The following PPARGC1A variants were observed in gnomAD, a reference collection of about 807,000 sequenced individuals.
The protein encoded by PPARGC1A is peroxisome proliferator-activated receptor gamma coactivator 1-alpha.
Under a neutral mutation model 88.7 loss-of-function variants are expected in PPARGC1A, and 25 were observed. The ratio of observed to expected loss-of-function variants is 0.28; its 90% confidence interval spans 0.21 to 0.39. The LOEUF is 0.39. Among genes scored for constraint, PPARGC1A ranks in the 10% least tolerant of loss-of-function variants. The probability of loss-of-function intolerance (pLI) is 1.00; values close to 1 mark genes in which losing one functional copy is unlikely to be tolerated. For synonymous variants in PPARGC1A, 363 were observed against 355.6 expected, an observed-to-expected ratio of 1.02 and a Z score of -0.24; for missense variants, 880 against 968.7, an observed-to-expected ratio of 0.91 and a Z score of 1.22.
chr4:24,300,673 A>C, the PPARGC1A span, among the ~76,000 whole-genome samples: 1 of 152,064 alleles, frequency 6.6e-6, no homozygotes, highest in Non-Finnish European at 1.5e-5. Context: ...CCTTATCCTT[A>C]ATAGTAAAGC....
At chr4:24,188,186 G>A in the PPARGC1A span, among the ~76,000 whole-genome samples, 7 of 152,200 alleles carry the variant, frequency 4.6e-5, no homozygotes, top group East Asian at 1.4e-3. Flanking sequence ...CTGTGAGCAG[G>A]GGGAGAAAAA....
At chr4:24,327,013 C>T in the PPARGC1A span, among the ~76,000 whole-genome samples, 2 of 152,128 alleles carry the variant, frequency 1.3e-5, no homozygotes, top group Non-Finnish European at 2.9e-5. Flanking sequence ...GTCAAATCAG[C>T]CAAGCATTTT....
At chr4:24,174,218 C>A in the PPARGC1A span, among the ~76,000 whole-genome samples, 1 of 152,272 alleles carries the variant, frequency 6.6e-6, no homozygotes, top group African/African-American at 2.4e-5. Flanking sequence ...CCTGATTCAG[C>A]ATTCTAGGTG....
chr4:24,023,698 T>C, the PPARGC1A span, among the ~76,000 whole-genome samples: 74 of 152,300 alleles, frequency 4.9e-4, no homozygotes, highest in East Asian at 4.1e-3. Flanking sequence ...CAAACATCTG[T>C]TGAGCTCCTA....
At chr4:24,347,478 G>A in the PPARGC1A span, among the ~76,000 whole-genome samples, 1 of 152,148 alleles carries the variant, frequency 6.6e-6, no homozygotes, top group Non-Finnish European at 1.5e-5. Flanking sequence ...ACATTTTCCT[G>A]TTGGACAAGG....
chr4:23,799,667 A>C lies in PPARGC1A; in HGVS notation c.2293+2063T>G, dbSNP rs1171640847. Among the ~76,000 whole-genome samples, 7 of 152,202 alleles carry C rather than the reference A, an allele frequency of 4.6e-5. No individual in the cohort carries two copies. In the East Asian group the frequency reaches 1.3e-3, roughly 29 times the overall value. ...AATACAGAGCGAGCTTAGCAATGGCAAAGTTTCTATTGCTGCCGGCTAGGC... is the reference window on the plus strand; with the variant it reads ...AATACAGAGCGAGCTTAGCAATGGCCAAGTTTCTATTGCTGCCGGCTAGGC... On this transcript the variant is annotated intron_variant, in intron 12 of 12. Coordinates refer to ENST00000264867, the MANE Select transcript of PPARGC1A (RefSeq NM_013261.5).
the PPARGC1A span, among the ~76,000 whole-genome samples, chr4:24,215,047 A>G: frequency 2.0e-5 from 3 of 152,200 alleles, no homozygotes; most frequent in Non-Finnish European, 4.4e-5. Flanking sequence ...ATCACCATTG[A>G]ACAGAGCCCT....
At chr4:24,456,863 T>G in the PPARGC1A span, among the ~76,000 whole-genome samples, 1 of 152,030 alleles carries the variant, frequency 6.6e-6, no homozygotes, top group African/African-American at 2.4e-5. Context: ...GTGTGGGCAA[T>G]GTGACTGAGC....
At chr4:23,988,292 G>T in the PPARGC1A span, among the ~76,000 whole-genome samples, 1 of 152,078 alleles carries the variant, frequency 6.6e-6, no homozygotes, top group South Asian at 2.1e-4. Context: ...AATCCTTTGG[G>T]TATATGCCCA....
the PPARGC1A span, among the ~76,000 whole-genome samples, chr4:24,307,539 G>T: frequency 6.6e-6 from 1 of 152,150 alleles, no homozygotes; most frequent in Non-Finnish European, 1.5e-5. Context: ...TTGGCCTCAA[G>T]AAGCTTAGCT....
chr4:24,299,890 G>T, the PPARGC1A span, among the ~76,000 whole-genome samples: 1 of 152,212 alleles, frequency 6.6e-6, no homozygotes, highest in African/African-American at 2.4e-5. Flanking sequence ...TATATTCATT[G>T]TATATTAATC....
At chr4:24,333,417 G>C in the PPARGC1A span, among the ~76,000 whole-genome samples, 1 of 152,058 alleles carries the variant, frequency 6.6e-6, no homozygotes, top group South Asian at 2.1e-4. Context: ...TTACCTGTTT[G>C]TTCCAAATAC....
At chr4:24,066,849 G>GTTTTTTTTTTTTTTTTTTTTTTTGTT in the PPARGC1A span, among the ~76,000 whole-genome samples, 7 of 100,872 alleles carry the variant, frequency 6.9e-5, no homozygotes, top group African/African-American at 8.3e-5. Flanking sequence ...TTTGTTTTGG[G>GTTTTTTTTTTTTTTTTTTTTTTTGTT]TTTTTTTTTT....
chr4:23,966,797 C>T, the PPARGC1A span, among the ~76,000 whole-genome samples: 1 of 152,150 alleles, frequency 6.6e-6, no homozygotes, highest in Non-Finnish European at 1.5e-5. Flanking sequence ...GTTATTATGC[C>T]TCAACCATTA....
the PPARGC1A span, among the ~76,000 whole-genome samples, chr4:23,956,740 T>C: frequency 6.6e-6 from 1 of 152,106 alleles, no homozygotes; most frequent in Admixed American, 6.6e-5. Flanking sequence ...CCCATCTCAG[T>C]AGTGGTCCAA....
chr4:24,058,126 G>A, the PPARGC1A span, among the ~76,000 whole-genome samples: 3 of 152,196 alleles, frequency 2.0e-5, no homozygotes, highest in Admixed American at 2.0e-4. Flanking sequence ...TACCCAGTGA[G>A]AAGCCCCGCC....
chr4:24,342,246 A>G, the PPARGC1A span, among the ~76,000 whole-genome samples: 1 of 152,154 alleles, frequency 6.6e-6, no homozygotes, highest in Admixed American at 6.5e-5. Flanking sequence ...GTAGTGTCCA[A>G]AGCACTTTGC....
the PPARGC1A span, among the ~76,000 whole-genome samples, chr4:24,204,892 C>T: frequency 4.6e-5 from 7 of 152,146 alleles, no homozygotes; most frequent in East Asian, 1.9e-4. Context: ...GGCGCAATCC[C>T]GGCTCACCGC....
the PPARGC1A span, among the ~76,000 whole-genome samples, chr4:24,457,859 G>A: frequency 2.0e-5 from 3 of 152,162 alleles, no homozygotes; most frequent in African/African-American, 7.2e-5. Flanking sequence ...CACCGTGCCT[G>A]ACCGAGATAC....
Sources: allele counts gnomAD v4.1 joint callset (sites outside exome capture counted in the v4.1 genomes callset), GRCh38; gene constraint gnomAD v4.1.1; transcripts MANE v1.5; gene names NCBI Gene and HGNC (gene_info 2026-07-23, HGNC 2026-07-21).